The following XPR1 variants were observed in gnomAD, a reference collection of about 807,000 sequenced individuals.
XPR1 encodes the protein xenotropic and polytropic retrovirus receptor 1, also known as solute carrier family 53 member 1.
XPR1 carries 28 observed loss-of-function variants against 87.5 expected under a neutral mutation model. The ratio of observed to expected loss-of-function variants is 0.32; its 90% confidence interval spans 0.24 to 0.44. The LOEUF (loss-of-function observed/expected upper bound fraction) is 0.44, where lower values mean the gene tolerates loss of function less well. Among genes scored for constraint, XPR1 ranks in the 20% least tolerant of loss-of-function variants. XPR1 has a pLI of 1.00. For synonymous variants in XPR1, 300 were observed against 306.1 expected (o/e 0.98, Z 0.21); for missense variants, 559 against 862.3 (o/e 0.65, Z 4.41).
rs189503255 is a variant in XPR1 at position 180,672,146 on chromosome 1, A to T, written c.70-10214A>T. On this transcript the variant is annotated intron_variant, in intron 1 of 14. Coordinates refer to ENST00000367590, the MANE Select transcript of XPR1 (RefSeq NM_004736.4). ...GTGCAAAAATTTGTGTGACTATAAC[A>T]TGACATATTCCAAATTGATTCCTCC... Among the ~76,000 whole-genome samples the T allele has an allele frequency of 7.2e-5, 11 of 152,340 alleles. No homozygotes were observed. The East Asian group carries it at 1.9e-3, about 27-fold the overall frequency.
At chr1:180,816,679 G>A (rs936777333) in intron 7 of XPR1, among the ~76,000 whole-genome samples, 4 of 152,160 alleles carry the variant, frequency 2.6e-5, no homozygotes, top group Non-Finnish European at 5.9e-5. Context: ...AGCCATCATA[G>A]CATAACACAT....
intron 1 of XPR1, among the ~76,000 whole-genome samples, chr1:180,632,919 C>T (rs1309373592): frequency 3.3e-5 from 5 of 152,212 alleles, no homozygotes; most frequent in African/African-American, 1.2e-4. Context: ...GATAATAAGA[C>T]TCTTTTTACT....
At chr1:180,733,063 C>T (rs1037604561) in intron 2 of XPR1, among the ~76,000 whole-genome samples, 17 of 152,202 alleles carry the variant, frequency 1.1e-4, no homozygotes, top group African/African-American at 3.4e-4. Flanking sequence ...GCATTCCTCT[C>T]GACGTCCAGC....
At chr1:180,639,980 T>C (rs1389984205) in intron 1 of XPR1, among the ~76,000 whole-genome samples, 1 of 152,264 alleles carries the variant, frequency 6.6e-6, no homozygotes, top group South Asian at 2.1e-4. Context: ...TTAGCAGAAG[T>C]GTGGTAAGCT....
intron 2 of XPR1, among the ~76,000 whole-genome samples, chr1:180,725,676 T>A (rs1658314434): frequency 6.6e-6 from 1 of 152,246 alleles, no homozygotes; most frequent in Non-Finnish European, 1.5e-5. Context: ...CGAAGTCTCA[T>A]TGAACTTACC....
intron 1 of XPR1, among the ~76,000 whole-genome samples, chr1:180,641,071 T>C (rs890233155): frequency 7.2e-5 from 11 of 151,748 alleles, no homozygotes; most frequent in Non-Finnish European, 1.6e-4. Flanking sequence ...AGAAAAAAAC[T>C]CTGAAGCCAG....
At chr1:180,683,317 A>G (rs1656649240) in intron 2 of XPR1, among the ~76,000 whole-genome samples, 1 of 152,194 alleles carries the variant, frequency 6.6e-6, no homozygotes, top group Admixed American at 6.5e-5. Context: ...ATGGCTGCAT[A>G]GTATTCCATG....
At chr1:180,639,646 A>C (rs1654903629) in intron 1 of XPR1, among the ~76,000 whole-genome samples, 1 of 152,224 alleles carries the variant, frequency 6.6e-6, no homozygotes, top group Non-Finnish European at 1.5e-5. Flanking sequence ...TTAAAGTCGT[A>C]ATTCATAGGG....
chr1:180,683,993 T>C (rs961513249), intron 2 of XPR1, among the ~76,000 whole-genome samples: 1 of 152,200 alleles, frequency 6.6e-6, no homozygotes, highest in Non-Finnish European at 1.5e-5. Flanking sequence ...AATTTTGGCT[T>C]TTGTTGCCAT....
At chr1:180,783,043 G>A (rs1314238671) in intron 2 of XPR1, among the ~76,000 whole-genome samples, 2 of 152,024 alleles carry the variant, frequency 1.3e-5, no homozygotes, top group East Asian at 3.8e-4. Flanking sequence ...AGAAATTGAT[G>A]TTCTGTAAAT....
intron 2 of XPR1, among the ~76,000 whole-genome samples, chr1:180,702,477 ATTCT>A (rs759542322): frequency 4.0e-4 from 60 of 151,844 alleles, no homozygotes; most frequent in South Asian, 6.2e-4. Context: ...GCTGAGTTCA[ATTCT>A]TTCTTTCTTT....
chr1:180,840,280 G>A (rs1194079533), intron 11 of XPR1, among the ~76,000 whole-genome samples: 1 of 150,830 alleles, frequency 6.6e-6, no homozygotes, highest in African/African-American at 2.4e-5. Context: ...CCTAGTATGG[G>A]AGTGACAGCG....
intron 2 of XPR1, among the ~76,000 whole-genome samples, chr1:180,692,707 A>G (rs569934368): frequency 1.3e-3 from 193 of 152,292 alleles, no homozygotes; most frequent in African/African-American, 4.4e-3. Flanking sequence ...TAGCATTGCT[A>G]TTTGATTTGA....
At chr1:180,673,057 A>G (rs1392180469) in intron 1 of XPR1, among the ~76,000 whole-genome samples, 1 of 152,208 alleles carries the variant, frequency 6.6e-6, no homozygotes, top group Non-Finnish European at 1.5e-5. Flanking sequence ...CATTTTGTTG[A>G]TGATTGTCAT....
intron 2 of XPR1, among the ~76,000 whole-genome samples, chr1:180,688,912 G>GAT (rs1019987710): frequency 1.2e-4 from 18 of 151,846 alleles, no homozygotes; most frequent in African/African-American, 4.4e-4. Flanking sequence ...TTTGAAATTA[G>GAT]ATATATATAA....
intron 2 of XPR1, among the ~76,000 whole-genome samples, chr1:180,787,286 GT>G (rs113585092): frequency 0.036 from 5,262 of 146,408 alleles, 310 homozygotes; most frequent in African/African-American, 0.12. Flanking sequence ...GGTTTTTTTT[GT>G]TTTTTTTTTG....
intron 2 of XPR1, among the ~76,000 whole-genome samples, chr1:180,776,185 T>G (rs557774832): frequency 5.3e-5 from 7 of 131,890 alleles, no homozygotes; most frequent in Non-Finnish European, 1.2e-4. Flanking sequence ...TATTTATCAT[T>G]AAAATTAATT....
intron 4 of XPR1, among the ~76,000 whole-genome samples, chr1:180,804,491 C>A (rs1379160981): frequency 2.0e-5 from 3 of 151,976 alleles, no homozygotes; most frequent in African/African-American, 7.3e-5. Flanking sequence ...TTTAGAGAGA[C>A]CTTATGCACT....
intron 1 of XPR1, among the ~76,000 whole-genome samples, chr1:180,636,156 G>A (rs1006741862): frequency 3.3e-5 from 5 of 152,066 alleles, no homozygotes; most frequent in African/African-American, 1.2e-4. Flanking sequence ...CATTATTAAC[G>A]ATTTTCATTT....
Sources: gnomAD v4.1 joint callset for allele counts (sites outside exome capture counted in the v4.1 genomes callset) on GRCh38, gnomAD v4.1.1 for gene constraint, MANE v1.5 for transcripts, NCBI Gene and HGNC (gene_info 2026-07-23, HGNC 2026-07-21) for gene names.